Variants in LCA5 observed in about 807,000 individuals in gnomAD.
LCA5 encodes the protein lebercilin LCA5, also known as lebercilin.
LCA5 carries 37 observed loss-of-function variants against 53.0 expected under a neutral mutation model. The observed-to-expected ratio is 0.70, with a 90% CI of 0.54 to 0.92. LCA5 has a LOEUF of 0.92. Ranked by LOEUF, LCA5 falls within the 40% of genes least tolerant of loss-of-function variation. The pLI, the probability that LCA5 is intolerant of heterozygous loss-of-function variation, is 0.00. For synonymous variants in LCA5, 303 were observed against 282.9 expected, an observed-to-expected ratio of 1.07 and a Z score of -0.71; for missense variants, 806 against 790.5, an observed-to-expected ratio of 1.02 and a Z score of -0.23.
chr6:79,510,091 C>A (rs981385729), intron 3 of LCA5, among the ~76,000 whole-genome samples: 2 of 152,114 alleles, frequency 1.3e-5, no homozygotes, highest in Non-Finnish European at 2.9e-5. Flanking sequence ...ATCAGTCTCT[C>A]TAATGTTAAG....
intron 2 of LCA5, among the ~76,000 whole-genome samples, chr6:79,515,794 T>C (rs1283215913): frequency 1.3e-5 from 2 of 152,098 alleles, no homozygotes; most frequent in South Asian, 2.1e-4. Context: ...AAAGATTTTA[T>C]AGAAGCTGTT....
At chr6:79,534,284 T>C (rs749769081) in intron 1 of LCA5, among the ~76,000 whole-genome samples, 2 of 152,016 alleles carry the variant, frequency 1.3e-5, no homozygotes, top group Non-Finnish European at 2.9e-5. Flanking sequence ...CAGTAAATGC[T>C]ACATTTGAAA....
chr6:79,530,448 A>C (rs1766924998), intron 1 of LCA5, among the ~76,000 whole-genome samples: 1 of 152,140 alleles, frequency 6.6e-6, no homozygotes, highest in African/African-American at 2.4e-5. Flanking sequence ...CTGTACAACA[A>C]ACCCCCATGA....
chr6:79,504,251 T>C (rs1770218472), intron 3 of LCA5, among the ~76,000 whole-genome samples: 1 of 152,190 alleles, frequency 6.6e-6, no homozygotes, highest in African/African-American at 2.4e-5. Context: ...AACATACACA[T>C]ATAAAAACTT....
At chr6:79,492,069 A>G (rs919755958) in intron 5 of LCA5, among the ~76,000 whole-genome samples, 1 of 152,058 alleles carries the variant, frequency 6.6e-6, no homozygotes, top group Non-Finnish European at 1.5e-5. Flanking sequence ...TAAAAGGGAA[A>G]TTATACTTTT....
At position 79,518,781 on chromosome 6, in the gene LCA5, C is replaced by T. The variant is rs749864209; in HGVS notation, c.114G>A (p.Leu38=). ...ETPQSSGRSS[L]VSSSPASVRR... Reference sequence around the variant, plus strand: ...TAACACTTGCAGGTGAAGAACTGACCAGCGATGATCGGCCAGAAGACTGTG... The same window carrying T: ...TAACACTTGCAGGTGAAGAACTGACTAGCGATGATCGGCCAGAAGACTGTG... The change falls in exon 2 of 8, where the codon CTG becomes CTA. Residue 38 remains leucine, a synonymous_variant. Transcript: ENST00000369846. The T allele has an allele frequency of 6.2e-7, 1 of 1,614,044 alleles. No individual in the cohort carries two copies. Among genetic ancestry groups the T allele is most frequent in the Non-Finnish European group, 8.5e-7 (1 of 1,180,004 alleles).
At chr6:79,495,139 G>A (rs1769945256) in intron 3 of LCA5, among the ~76,000 whole-genome samples, 1 of 152,190 alleles carries the variant, frequency 6.6e-6, no homozygotes, top group Non-Finnish European at 1.5e-5. Context: ...ATTATCATAG[G>A]AGTACAAACC....
chr6:79,525,828 C>G (rs1562112458), intron 1 of LCA5, among the ~76,000 whole-genome samples: 1 of 152,274 alleles, frequency 6.6e-6, no homozygotes, highest in African/African-American at 2.4e-5. Context: ...GCGGCAGGAG[C>G]CACAAGCCGG....
chr6:79,512,738 T>C (rs1309551370), intron 3 of LCA5, among the ~76,000 whole-genome samples: 3 of 152,188 alleles, frequency 2.0e-5, no homozygotes, highest in African/African-American at 7.2e-5. Context: ...ATTCTCAGAC[T>C]AGTCAGTCAA....
intron 3 of LCA5, among the ~76,000 whole-genome samples, chr6:79,499,047 A>G (rs1452569448): frequency 1.3e-5 from 2 of 152,154 alleles, no homozygotes; most frequent in African/African-American, 4.8e-5. Context: ...AACAGCACCT[A>G]TCCCAAGAAG....
chr6:79,507,302 T>C (rs535796609), intron 3 of LCA5, among the ~76,000 whole-genome samples: 2 of 152,274 alleles, frequency 1.3e-5, no homozygotes, highest in African/African-American at 4.8e-5. Context: ...TCTTATAACA[T>C]ATAATGAGCT....
rs959732208 is a variant in LCA5, at chr6:79,519,057, T to C, written c.-163A>G. Reference sequence around the variant, plus strand: ...ATGTATTTGTAGACCACAATTCACATTGGCATCCAGAAGATAAACTTTTTT... The same window carrying C: ...ATGTATTTGTAGACCACAATTCACACTGGCATCCAGAAGATAAACTTTTTT... On this transcript the variant is annotated 5_prime_UTR_variant, in exon 2 of 8. An upstream start codon of the reference 5' UTR is lost. Transcript: ENST00000369846. 29 of 788,058 alleles carry C rather than the reference T, an allele frequency of 3.7e-5. No individual in the cohort carries two copies. The highest frequency in any genetic ancestry group is 1.9e-4 in the Admixed American group (9 of 48,044). 48.8% of individuals were successfully genotyped at this position (788,058 alleles called of 1,614,324 possible).
At chr6:79,507,545 C>T (rs1455459010) in intron 3 of LCA5, among the ~76,000 whole-genome samples, 1 of 152,032 alleles carries the variant, frequency 6.6e-6, no homozygotes, top group African/African-American at 2.4e-5. Context: ...TATTGCATGG[C>T]ATATGTATAT....
intron 3 of LCA5, among the ~76,000 whole-genome samples, chr6:79,506,934 G>A (rs1770285844): frequency 1.3e-5 from 2 of 152,164 alleles, no homozygotes; most frequent in African/African-American, 4.8e-5. Context: ...ACCAATGAAT[G>A]TTAGTGTATC....
chr6:79,525,087 T>C (rs1216288043), intron 1 of LCA5: 1 of 152,164 alleles, frequency 6.6e-6, no homozygotes, highest in African/African-American at 2.4e-5. Context: ...CTCGCATTAC[T>C]GAGGTAATAT....
intron 1 of LCA5, among the ~76,000 whole-genome samples, chr6:79,533,635 C>CAA (rs200414903): frequency 1.1e-4 from 14 of 133,066 alleles, no homozygotes; most frequent in Admixed American, 3.7e-4. Flanking sequence ...CATAACAGGT[C>CAA]AAAAAAAAAA....
chr6:79,510,881 T>C (rs534262009), intron 3 of LCA5, among the ~76,000 whole-genome samples: 28 of 152,106 alleles, frequency 1.8e-4, no homozygotes, highest in Non-Finnish European at 3.1e-4. Context: ...GCTGCATACC[T>C]ATCAAGATGG....
chr6:79,498,272 C>A (rs1001109109), intron 3 of LCA5, among the ~76,000 whole-genome samples: 2 of 151,754 alleles, frequency 1.3e-5, no homozygotes, highest in Non-Finnish European at 2.9e-5. Context: ...ATGTTAGCAA[C>A]AGACGAATCT....
At position 79,513,292 on chromosome 6, in the gene LCA5, GTCTAGCT is replaced by G. The variant is rs878853382; in HGVS notation, c.633_639del (p.Glu211AspfsTer13). The G allele has an allele frequency of 1.2e-6, 2 of 1,613,634 alleles. No individual in the cohort carries two copies. Among genetic ancestry groups the G allele is most frequent in the Non-Finnish European group, 1.7e-6 (2 of 1,179,740 alleles). ...GCCAAATCATCTCGTTCAGGTAGGTGTCTAGCTTCAGAGATCTCTTTCAGTTTCTGTA... is the reference window on the plus strand; with the variant it reads ...GCCAAATCATCTCGTTCAGGTAGGTGTCAGAGATCTCTTTCAGTTTCTGTA... On this transcript the variant is annotated frameshift_variant, in exon 3 of 8. Transcript: ENST00000369846. LOFTEE classifies it high-confidence loss of function.
Sources: gnomAD v4.1 joint callset for allele counts (sites outside exome capture counted in the v4.1 genomes callset) on GRCh38, gnomAD v4.1.1 for gene constraint, MANE v1.5 for transcripts, NCBI Gene and HGNC (gene_info 2026-07-23, HGNC 2026-07-21) for gene names.